Variants in MGAT4C observed in about 807,000 individuals in gnomAD.
The protein encoded by MGAT4C is MGAT4 family member C, also known as alpha-1,3-mannosyl-glycoprotein 4-beta-N-acetylglucosaminyltransferase C.
Under a neutral mutation model 40.1 loss-of-function variants are expected in MGAT4C, and 19 were observed. The observed-to-expected ratio is 0.47, with a 90% CI of 0.33 to 0.70. The LOEUF is 0.70. Among genes scored for constraint, MGAT4C ranks in the 30% least tolerant of loss-of-function variants. MGAT4C has a pLI of 0.02. For synonymous variants in MGAT4C, 181 were observed against 187.1 expected, an observed-to-expected ratio of 0.97 and a Z score of 0.27; for missense variants, 491 against 563.2, an observed-to-expected ratio of 0.87 and a Z score of 1.30.
chr12:86,020,842 CA>C (rs763091471), intron 2 of MGAT4C, among the ~76,000 whole-genome samples: 1 of 152,120 alleles, frequency 6.6e-6, no homozygotes, highest in Non-Finnish European at 1.5e-5. Flanking sequence ...GCTCATCTGA[CA>C]AAGGGGCTAA....
At chr12:86,818,531 T>C (rs948417322) in intron 1 of MGAT4C, among the ~76,000 whole-genome samples, 3 of 151,122 alleles carry the variant, frequency 2.0e-5, no homozygotes, top group Non-Finnish European at 3.0e-5. Flanking sequence ...TGGAGAGAGC[T>C]GACTTTAAAT....
chr12:86,010,962 A>G (rs1347344100), intron 2 of MGAT4C, among the ~76,000 whole-genome samples: 4 of 152,282 alleles, frequency 2.6e-5, no homozygotes, highest in Admixed American at 1.3e-4. Context: ...GTGATGTAGC[A>G]TGAGGCCCTC....
At chr12:86,169,010 TA>T in intron 1 of MGAT4C, among the ~76,000 whole-genome samples, 1 of 152,114 alleles carries the variant, frequency 6.6e-6, no homozygotes, top group Non-Finnish European at 1.5e-5. Flanking sequence ...GATAAGATTG[TA>T]AAAAAATGTG....
intron 2 of MGAT4C, among the ~76,000 whole-genome samples, chr12:86,047,489 C>T (rs1402372805): frequency 6.6e-6 from 1 of 152,036 alleles, no homozygotes; most frequent in Non-Finnish European, 1.5e-5. Context: ...AAGTAATCAC[C>T]AAAGCCAGCT....
At chr12:86,786,474 A>G (rs1299860719) in intron 1 of MGAT4C, among the ~76,000 whole-genome samples, 1 of 152,088 alleles carries the variant, frequency 6.6e-6, no homozygotes, top group African/African-American at 2.4e-5. Flanking sequence ...AGATGTCAAG[A>G]AATTAAATAT....
intron 2 of MGAT4C, among the ~76,000 whole-genome samples, chr12:86,637,381 T>C (rs1410033980): frequency 5.3e-5 from 8 of 152,014 alleles, no homozygotes; most frequent in East Asian, 1.9e-4. Context: ...TACACAATTC[T>C]GATTCCATTT....
chr12:86,260,848 T>C (rs930594612), upstream of MGAT4C, among the ~76,000 whole-genome samples: 25 of 152,110 alleles, frequency 1.6e-4, no homozygotes, highest in South Asian at 2.5e-3. Flanking sequence ...TAATTGGTAA[T>C]TGCTCAAGGG....
chr12:86,373,407 T>C (rs1191687929), intron 3 of MGAT4C, among the ~76,000 whole-genome samples: 2 of 151,954 alleles, frequency 1.3e-5, no homozygotes, highest in Non-Finnish European at 2.9e-5. Flanking sequence ...AATGAGAGTA[T>C]AGCAAAGTGA....
At chr12:86,014,949 T>C (rs183512272) in intron 2 of MGAT4C, among the ~76,000 whole-genome samples, 25 of 151,380 alleles carry the variant, frequency 1.7e-4, no homozygotes, top group Non-Finnish European at 8.8e-5. Flanking sequence ...ACCCGGCTAA[T>C]TTTTCTTTAT....
At chr12:86,325,884 A>G (rs12308879) in intron 4 of MGAT4C, among the ~76,000 whole-genome samples, 1 of 20,652 alleles carries the variant, frequency 4.8e-5, no homozygotes, top group Non-Finnish European at 1.8e-4. Context: ...CTCCAAAAAG[A>G]AAAAAAAAAA....
At chr12:86,459,627 C>T (rs1375397824) in intron 2 of MGAT4C, among the ~76,000 whole-genome samples, 1 of 151,480 alleles carries the variant, frequency 6.6e-6, no homozygotes, top group African/African-American at 2.4e-5. Context: ...ATTTATGATC[C>T]TGGTAATACG....
intron 4 of MGAT4C, among the ~76,000 whole-genome samples, chr12:86,308,003 A>G (rs1451490904): frequency 6.6e-6 from 1 of 150,416 alleles, no homozygotes; most frequent in African/African-American, 2.5e-5. Flanking sequence ...GCGCCCGACC[A>G]TTTGGGTACA....
intron 2 of MGAT4C, among the ~76,000 whole-genome samples, chr12:86,546,320 T>A (rs1370000949): frequency 6.6e-6 from 1 of 151,580 alleles, no homozygotes; most frequent in Non-Finnish European, 1.5e-5. Context: ...AACTGAAATT[T>A]ATAAAATGAT....
rs562476003 is a variant in MGAT4C, at chr12:86,577,662, C to A, written c.-228-142397G>T. Reference sequence around the variant, plus strand: ...CACTTGGTCATGATTAATGATCTTTCTAATTTTGAATTTTCTAATGTTTGA... The same window carrying A: ...CACTTGGTCATGATTAATGATCTTTATAATTTTGAATTTTCTAATGTTTGA... On this transcript the variant is annotated intron_variant, in intron 2 of 7. Transcript: ENST00000548651. Among the ~76,000 whole-genome samples the A allele has an allele frequency of 2.4e-4, 36 of 151,784 alleles. 1 individual carries two copies. The highest frequency in any genetic ancestry group is 6.2e-4 in the South Asian group (3 of 4,822).
chr12:86,175,581 C>T (rs1389485700), intron 1 of MGAT4C, among the ~76,000 whole-genome samples: 1 of 151,936 alleles, frequency 6.6e-6, no homozygotes, highest in Admixed American at 6.6e-5. Flanking sequence ...TTTGTAAGTA[C>T]GTGGCTTTGT....
chr12:86,582,935 CATAA>C (rs1297179576), intron 2 of MGAT4C, among the ~76,000 whole-genome samples: 2 of 151,064 alleles, frequency 1.3e-5, no homozygotes, highest in Non-Finnish European at 3.0e-5. Flanking sequence ...GTAAAGACTA[CATAA>C]ATAAATAAAA....
intron 3 of MGAT4C, among the ~76,000 whole-genome samples, chr12:86,347,545 G>A (rs1955067477): frequency 6.6e-6 from 1 of 152,242 alleles, no homozygotes; most frequent in Non-Finnish European, 1.5e-5. Flanking sequence ...AGTATACATT[G>A]TCAATTACTC....
intron 1 of MGAT4C, among the ~76,000 whole-genome samples, chr12:86,159,514 A>G (rs1032714965): frequency 3.3e-5 from 5 of 151,382 alleles, no homozygotes; most frequent in Admixed American, 2.6e-4. Flanking sequence ...GCCAGATTTT[A>G]GTATCAGGCT....
chr12:86,734,246 G>A (rs2009844), intron 1 of MGAT4C, among the ~76,000 whole-genome samples: 148,559 of 152,190 alleles, frequency 0.98, 72,591 homozygotes, highest in Middle Eastern at 1. Flanking sequence ...ATATTAGGTC[G>A]AGACAAAGCA....
Sources: gnomAD v4.1 joint callset for allele counts (sites outside exome capture counted in the v4.1 genomes callset) on GRCh38, gnomAD v4.1.1 for gene constraint, MANE v1.5 for transcripts, NCBI Gene and HGNC (gene_info 2026-07-23, HGNC 2026-07-21) for gene names.